Variants in WWOX observed in about 807,000 individuals in gnomAD.
WWOX encodes the protein WW domain containing oxidoreductase, also known as WW domain-containing oxidoreductase.
Under a neutral mutation model 46.2 loss-of-function variants are expected in WWOX, and 69 were observed. The ratio of observed to expected loss-of-function variants is 1.49; its 90% CI spans 1.23 to 1.82. The LOEUF is 1.82. Among genes scored for constraint, WWOX ranks in the 40% most tolerant of loss-of-function variants. WWOX has a pLI of 0.00. For synonymous variants in WWOX, 359 were observed against 202.6 expected (o/e 1.77, Z -6.56); for missense variants, 919 against 542.6 (o/e 1.69, Z -6.89).
At chr16:79,183,162 G>A (rs577440077) in intron 8 of WWOX, among the ~76,000 whole-genome samples, 21 of 152,348 alleles carry the variant, frequency 1.4e-4, no homozygotes, top group African/African-American at 5.1e-4. Flanking sequence ...GGCGTGAGCA[G>A]AGCAGGTGGC....
chr16:78,302,778 C>T (rs934419193), intron 5 of WWOX, among the ~76,000 whole-genome samples: 2 of 152,214 alleles, frequency 1.3e-5, no homozygotes, highest in Non-Finnish European at 2.9e-5. Flanking sequence ...CTACCTGTTA[C>T]TTGGCATATC....
At chr16:78,154,399 C>T (rs68080610) in intron 4 of WWOX, among the ~76,000 whole-genome samples, 32,487 of 151,546 alleles carry the variant, frequency 0.21, 3,708 homozygotes, top group East Asian at 0.39. Flanking sequence ...ACAGAGGAGT[C>T]CCACAGTTTT....
chr16:78,373,182 C>T (rs557186447), intron 5 of WWOX, among the ~76,000 whole-genome samples: 1 of 152,110 alleles, frequency 6.6e-6, no homozygotes, highest in Admixed American at 6.5e-5. Flanking sequence ...TAGCTCTTCC[C>T]TAGAGCTTCA....
intron 8 of WWOX, among the ~76,000 whole-genome samples, chr16:78,623,502 A>C (rs1167224039): frequency 6.6e-6 from 1 of 152,134 alleles, no homozygotes; most frequent in Non-Finnish European, 1.5e-5. Context: ...CAACATGCTG[A>C]AACCCCATCT....
At chr16:78,219,441 A>G (rs1274915152) in intron 5 of WWOX, among the ~76,000 whole-genome samples, 1 of 152,180 alleles carries the variant, frequency 6.6e-6, no homozygotes, top group Admixed American at 6.5e-5. Context: ...ACAGCCAGAT[A>G]ACAACAACAA....
intron 8 of WWOX, among the ~76,000 whole-genome samples, chr16:78,571,546 C>T (rs370884715): frequency 4.6e-5 from 7 of 152,242 alleles, no homozygotes; most frequent in South Asian, 2.1e-4. Context: ...ACCATATTAT[C>T]GAAAGGATGT....
chr16:79,075,201 T>A (rs934066799), intron 8 of WWOX, among the ~76,000 whole-genome samples: 2 of 152,212 alleles, frequency 1.3e-5, no homozygotes, highest in African/African-American at 4.8e-5. Flanking sequence ...GTATGAAGCT[T>A]CCCAGGTGGT....
At chr16:78,119,167 A>C (rs2032965270) in intron 4 of WWOX, 1 of 152,274 alleles carries the variant, frequency 6.6e-6, no homozygotes, top group Non-Finnish European at 1.5e-5. Context: ...TAGACTGAGC[A>C]GGAAGGGCCA....
intron 8 of WWOX, among the ~76,000 whole-genome samples, chr16:78,811,979 A>T (rs1312288853): frequency 1.4e-5 from 2 of 147,566 alleles, no homozygotes; most frequent in African/African-American, 5.3e-5. Context: ...TGTAATAATT[A>T]CTTGATAAAC....
At chr16:78,625,782 A>G (rs1211971949) in intron 8 of WWOX, among the ~76,000 whole-genome samples, 2 of 126,560 alleles carry the variant, frequency 1.6e-5, no homozygotes, top group Non-Finnish European at 3.4e-5. Flanking sequence ...AGTTTTTGCC[A>G]GTACTTAAAA....
chr16:78,313,720 G>A (rs2080296285), intron 5 of WWOX, among the ~76,000 whole-genome samples: 1 of 152,134 alleles, frequency 6.6e-6, no homozygotes, highest in African/African-American at 2.4e-5. Flanking sequence ...CGATGTCCCT[G>A]CCATCTAAAT....
chr16:79,051,095 TAAAC>T (rs987572925), intron 8 of WWOX, among the ~76,000 whole-genome samples: 6 of 152,162 alleles, frequency 3.9e-5, no homozygotes, highest in African/African-American at 9.7e-5. Context: ...AACAGTAAAA[TAAAC>T]AGGTGTGACT....
chr16:78,303,400 G>A (rs971447626), intron 5 of WWOX, among the ~76,000 whole-genome samples: 14 of 152,186 alleles, frequency 9.2e-5, no homozygotes, highest in Non-Finnish European at 4.4e-5. Context: ...ACACAGACAT[G>A]AAACTTGAGC....
chr16:78,716,045 A>C (rs1244969896), intron 8 of WWOX, among the ~76,000 whole-genome samples: 13 of 151,720 alleles, frequency 8.6e-5, no homozygotes, highest in Non-Finnish European at 2.9e-5. Context: ...ATTATCATCA[A>C]GAGGAATGTC....
chr16:78,575,392 G>C (rs941777825), intron 8 of WWOX, among the ~76,000 whole-genome samples: 1 of 151,674 alleles, frequency 6.6e-6, no homozygotes, highest in Non-Finnish European at 1.5e-5. Flanking sequence ...CAGGTTGTCT[G>C]ATGCGATGAG....
intron 8 of WWOX, among the ~76,000 whole-genome samples, chr16:78,686,614 T>C (rs1213579349): frequency 6.6e-6 from 1 of 152,210 alleles, no homozygotes; most frequent in African/African-American, 2.4e-5. Flanking sequence ...ATTTGTGTTT[T>C]TGGAGGAACT....
At chr16:78,616,210 A>G (rs1427976974) in intron 8 of WWOX, among the ~76,000 whole-genome samples, 3 of 142,518 alleles carry the variant, frequency 2.1e-5, no homozygotes, top group Non-Finnish European at 4.6e-5. Flanking sequence ...GCACACACAC[A>G]CTTTTGTGGT....
chr16:78,977,048 T>G (rs1163049692), intron 8 of WWOX, among the ~76,000 whole-genome samples: 15 of 152,220 alleles, frequency 9.9e-5, no homozygotes, highest in Non-Finnish European at 2.1e-4. Flanking sequence ...AGGTTTCAAC[T>G]GAGGCTCACG....
chr16:78,870,023 G>T (rs1341230463), intron 8 of WWOX, among the ~76,000 whole-genome samples: 2 of 152,172 alleles, frequency 1.3e-5, no homozygotes, highest in South Asian at 2.1e-4. Context: ...CTGTCTTCCA[G>T]TCCTCCAGGG....
Sources: allele counts gnomAD v4.1 joint callset (sites outside exome capture counted in the v4.1 genomes callset), GRCh38; gene constraint gnomAD v4.1.1; transcripts MANE v1.5; gene names NCBI Gene and HGNC (gene_info 2026-07-23, HGNC 2026-07-21).